AKAP9: variants seen among roughly 807,000 people sequenced by gnomAD.
AKAP9 encodes the protein A-kinase anchor protein 9.
AKAP9 carries 311 observed loss-of-function variants against 488.5 expected under a neutral mutation model. The observed-to-expected ratio is 0.64, with a 90% CI of 0.58 to 0.70. The LOEUF (loss-of-function observed/expected upper bound fraction) is 0.70. Among genes scored for constraint, AKAP9 ranks in the 30% least tolerant of loss-of-function variants. The pLI, the probability that AKAP9 is intolerant of heterozygous loss-of-function variation, is 0.00. For synonymous variants in AKAP9, 1,462 were observed against 1,483.5 expected, an observed-to-expected ratio of 0.99 and a Z score of 0.33; for missense variants, 4,215 against 4,374.5, an observed-to-expected ratio of 0.96 and a Z score of 1.03.
At chr7:92,078,245 A>C (rs1243368074) in intron 30 of AKAP9, among the ~76,000 whole-genome samples, 3 of 151,840 alleles carry the variant, frequency 2.0e-5, no homozygotes, top group African/African-American at 7.3e-5. Context: ...TGATCCACCC[A>C]CCTCAGCCTC....
chr7:91,960,856 A>G lies in AKAP9; in HGVS notation c.49-12855A>G, dbSNP rs193217860. 6.4e-4 allele frequency among the ~76,000 whole-genome samples: 98 copies of G among 152,348 alleles called. No homozygotes were observed. The Middle Eastern group carries it at 0.014, about 21-fold the overall frequency. On this transcript the variant is annotated intron_variant, in intron 1 of 49. Transcript: ENST00000356239. ...TCTTCACAGGTAAAACTCTACAACC[A>G]CATCTCTTTTGGAAAGACTTATATG...
rs60778133 is a variant in AKAP9, at chr7:91,998,418, CTTTTTTTTTTTTTTTTTTTT to C, written c.931-2412_931-2393del. ...AGATAGTGTATTCAACCACAGGGCT[CTTTTTTTTTTTTTTTTTTTT>C]TTTTTTTTTTTTTTTTTAGAATTCA... is the stretch of plus-strand genomic sequence containing the variant. On this transcript the variant is annotated intron_variant, in intron 7 of 49. Coordinates refer to ENST00000356239, the MANE Select transcript of AKAP9 (RefSeq NM_005751.5). 3.1e-4 allele frequency among the ~76,000 whole-genome samples: 17 copies of C among 53,996 alleles called. No homozygotes were observed. The South Asian group carries it at 5.2e-3, about 16-fold the overall frequency. The allele number at this position is 53,996 out of a possible 152,430, so 35.4% of individuals were successfully genotyped here. A position where few individuals can be genotyped will look rare whatever the true frequency, so the allele number is the denominator to read the frequency against.
chr7:92,104,193 T>TA (rs34894824), intron 46 of AKAP9, among the ~76,000 whole-genome samples: 72,048 of 135,384 alleles, frequency 0.53, 19,616 homozygotes, highest in African/African-American at 0.72. Flanking sequence ...TTTATTTATT[T>TA]TTTTTTTTTT....
chr7:92,070,875 A>T, intron 27 of AKAP9, 30 bp from the exon 28 acceptor site: 1 of 1,525,178 alleles, frequency 6.6e-7, no homozygotes, highest in Non-Finnish European at 9.0e-7. Context: ...TAATTTATCA[A>T]ATTTTGAGAA....
chr7:91,944,861 A>G (rs1175038833), intron 1 of AKAP9, among the ~76,000 whole-genome samples: 5 of 152,208 alleles, frequency 3.3e-5, no homozygotes, highest in Non-Finnish European at 5.9e-5. Flanking sequence ...TGTATAATAT[A>G]GTTGGGATTA....
At chr7:92,083,052 C>A in intron 32 of AKAP9, 118 bp from the exon 33 acceptor site, 1 of 1,230,544 alleles carries the variant, frequency 8.1e-7, no homozygotes, top group Non-Finnish European at 1.1e-6. Context: ...TTTCCTACTA[C>A]TCTGAGGAAA....
chr7:92,068,907 C>A (rs999204034), intron 26 of AKAP9, among the ~76,000 whole-genome samples: 7 of 152,102 alleles, frequency 4.6e-5, no homozygotes, highest in African/African-American at 1.7e-4. Flanking sequence ...TTATTTCTTA[C>A]CATCACATGT....
intron 22 of AKAP9, among the ~76,000 whole-genome samples, chr7:92,055,965 T>G (rs1808722883): frequency 6.6e-6 from 1 of 151,996 alleles, no homozygotes; most frequent in Non-Finnish European, 1.5e-5. Flanking sequence ...CCTACAGATT[T>G]TTGTTTTACA....
chr7:92,101,020 A>T lies in AKAP9; in HGVS notation c.11061A>T (p.Gln3687His). 6.2e-7 allele frequency: 1 copy of T among 1,614,092 alleles called. No homozygotes were observed. Among genetic ancestry groups the T allele is most frequent in the Non-Finnish European group, 8.5e-7 (1 of 1,180,034 alleles). Reference sequence around the variant, plus strand: ...AACTAAGAAATGACTCTTTACTTCAAACTCTGAGCCCTGATTCTGAACATG... The same window carrying T: ...AACTAAGAAATGACTCTTTACTTCATACTCTGAGCCCTGATTCTGAACATG... Reference protein sequence around the residue: ...KAELRNDSLLQTLSPDSEHVT... With the variant: ...KAELRNDSLLHTLSPDSEHVT... Residue 3687 changes from glutamine to histidine, a missense_variant, in exon 45 of 50, where the codon CAA (glutamine) becomes CAT (histidine). Physicochemically the swap from Gln to His is conservative, Grantham distance 24 (BLOSUM62 0). Coordinates refer to ENST00000356239, the MANE Select transcript of AKAP9 (RefSeq NM_005751.5).
At chr7:92,041,725 A>G (rs543075054) in intron 18 of AKAP9, 3 of 269,414 alleles carry the variant, frequency 1.1e-5, no homozygotes, top group Non-Finnish European at 2.2e-5. Flanking sequence ...GGAGCTGAGC[A>G]TAAAACATTA....
At position 91,973,724 on chromosome 7, in the gene AKAP9, G is replaced by A. The variant is rs760483571; in HGVS notation, c.62G>A (p.Arg21Gln). 8 of 1,613,182 alleles carry A rather than the reference G, an allele frequency of 5.0e-6. No individual in the cohort carries two copies. Among genetic ancestry groups the A allele is most frequent in the African/African-American group, 2.7e-5 (2 of 74,650 alleles). ...EAGKAKLAQF[R>Q]QRKAQSDGQS... ...CTTTTTTCTTAGCTTGCCCAGTTTC[G>A]ACAAAGAAAAGCTCAGTCGGATGGG... Residue 21 changes from arginine to glutamine, a missense_variant, in exon 2 of 50, where the codon CGA becomes CAA. Arg to Gln is a conservative substitution (Grantham distance 43). Around this residue, in one of 5 missense-constraint regions of AKAP9, gnomAD observed 2,361 missense variants for 2,430.0 expected, o/e 0.97. Transcript: ENST00000356239.
chr7:92,079,854 A>G lies in AKAP9; in HGVS notation c.7721A>G (p.Asn2574Ser), dbSNP rs748899639. ...VQEYAKFCQD[N>S]QTISSEPERT... ...GAATATGCAAAATTCTGTCAAGATA[A>G]TCAAACAATTTCATCAGAACCTGAA... The change falls in exon 31 of 50, where the codon AAT (asparagine) becomes AGT (serine). Residue 2574 changes from asparagine to serine, a missense_variant. Asn to Ser is a conservative substitution (Grantham distance 46, BLOSUM62 1). This residue lies in a region of AKAP9 where 1,476 missense variants were observed against 1,477.4 expected (regional missense o/e 1.00). Transcript: ENST00000356239. 3.1e-6 allele frequency: 5 copies of G among 1,614,036 alleles called. No individual in the cohort carries two copies. In the Admixed American group the frequency reaches 5.0e-5, roughly 16 times the overall value.
In AKAP9 at chr7:92,095,018, CTT is replaced by C. The variant is rs1816322554; in HGVS notation, c.9579-4_9579-3del. ...TATGGAAATTCATTTGTCTTTCTGACTTAGGTTGGAAGTTAAAGATAAGACAG... is the reference window on the plus strand; with the variant it reads ...TATGGAAATTCATTTGTCTTTCTGACAGGTTGGAAGTTAAAGATAAGACAG... On this transcript the variant is annotated splice_region_variant and splice_polypyrimidine_tract_variant and intron_variant, in intron 39 of 49. Transcript: ENST00000356239. 6.2e-7 allele frequency: 1 copy of C among 1,613,406 alleles called. No homozygotes were observed. Among genetic ancestry groups the C allele is most frequent in the Admixed American group, 1.7e-5 (1 of 59,982 alleles).
At position 92,002,887 on chromosome 7, in the gene AKAP9, T is replaced by G; in HGVS notation, c.2970T>G (p.Val990=). 2.5e-6 allele frequency: 4 copies of G among 1,612,768 alleles called. No homozygotes were observed. Among genetic ancestry groups the G allele is most frequent in the Non-Finnish European group, 3.4e-6 (4 of 1,179,420 alleles). The change falls in exon 8 of 50, where the codon GTT becomes GTG. Residue 990 remains valine (V), a synonymous_variant. Coordinates refer to ENST00000356239, the MANE Select transcript of AKAP9 (RefSeq NM_005751.5). ...CTTTAAAGCAAGAGAAAGAACAAGT[T>G]TCATTGAGATGTAGAGAGCTAGAAA... The part of the protein sequence containing the change: ...VKSLKQEKEQ[V]SLRCRELEII...
intron 11 of AKAP9, 39 bp downstream of exon 11, chr7:92,016,306 C>T (rs1219585014): frequency 7.4e-7 from 1 of 1,348,040 alleles, no homozygotes; most frequent in Non-Finnish European, 1.0e-6. Flanking sequence ...AGTATTTAAT[C>T]CTCTTAAATT....
rs1030643006 is a variant in AKAP9 at position 91,963,720 on chromosome 7, G to A, written c.49-9991G>A. 3.9e-5 allele frequency among the ~76,000 whole-genome samples: 6 copies of A among 152,206 alleles called. No homozygotes were observed. In the South Asian group the frequency reaches 6.2e-4, roughly 16 times the overall value. ...TTTTTAGTAGAGATGTGGTTTCGCC[G>A]TGTTAGGCAGGATGGTCTTGAACTC... On this transcript the variant is annotated intron_variant, in intron 1 of 49. Transcript: ENST00000356239.
chr7:91,947,363 G>GTCTT (rs1791586608), intron 1 of AKAP9, among the ~76,000 whole-genome samples: 1 of 151,774 alleles, frequency 6.6e-6, no homozygotes. Flanking sequence ...TTCCCCCCGA[G>GTCTT]ATGGAGTCTC....
intron 1 of AKAP9, among the ~76,000 whole-genome samples, chr7:91,943,857 C>T (rs763152557): frequency 2.6e-5 from 4 of 152,044 alleles, no homozygotes; most frequent in Non-Finnish European, 1.5e-5. Context: ...GATCATTTTC[C>T]AAAGTTTATC....
intron 40 of AKAP9, among the ~76,000 whole-genome samples, chr7:92,095,743 T>G (rs1483125568): frequency 6.6e-6 from 1 of 152,290 alleles, no homozygotes; most frequent in East Asian, 1.9e-4. Flanking sequence ...ATCCTAATTC[T>G]CACTAACTCT....
Sources: gnomAD v4.1 joint callset for allele counts (sites outside exome capture counted in the v4.1 genomes callset) on GRCh38, gnomAD v4.1.1 for gene constraint, gnomAD v4.1.1 regional missense constraint, MANE v1.5 for transcripts, NCBI Gene and HGNC (gene_info 2026-07-23, HGNC 2026-07-21) for gene names.